Variants in GNAO1 observed in about 807,000 individuals in gnomAD.
The protein encoded by GNAO1 is guanine nucleotide-binding protein G(o) subunit alpha.
For synonymous variants in GNAO1, 164 were observed against 180.7 expected, an observed-to-expected ratio of 0.91 and a Z score of 0.74; for missense variants, 166 against 478.7, an observed-to-expected ratio of 0.35 and a Z score of 6.10.
At chr16:56,290,838 GCTCT>G (rs139719668) in intron 3 of GNAO1, among the ~76,000 whole-genome samples, 2,197 of 152,232 alleles carry the variant, frequency 0.014, 23 homozygotes, top group Non-Finnish European at 0.025. Context: ...CCACTAATCT[GCTCT>G]CTGTCTCTAT....
intron 2 of GNAO1, among the ~76,000 whole-genome samples, chr16:56,195,733 C>T (rs1464787186): frequency 6.6e-6 from 1 of 152,216 alleles, no homozygotes; most frequent in Non-Finnish European, 1.5e-5. Flanking sequence ...AGTCTAATAG[C>T]TCAGCACATT....
intron 2 of GNAO1, among the ~76,000 whole-genome samples, chr16:56,234,567 C>A (rs528404583): frequency 6.6e-6 from 1 of 152,284 alleles, no homozygotes; most frequent in South Asian, 2.1e-4. Context: ...TCTGCATGAA[C>A]CCATGAACTG....
At chr16:56,226,754 C>T (rs190005162) in intron 2 of GNAO1, among the ~76,000 whole-genome samples, 1 of 152,298 alleles carries the variant, frequency 6.6e-6, no homozygotes, top group East Asian at 1.9e-4. Flanking sequence ...GTGGTTTCTT[C>T]TCCATTCACA....
intron 2 of GNAO1, among the ~76,000 whole-genome samples, chr16:56,215,917 C>G (rs200942238): frequency 2.0e-5 from 3 of 152,330 alleles, no homozygotes; most frequent in East Asian, 3.9e-4. Flanking sequence ...TACCCCCACT[C>G]TCTTCCTGAT....
chr16:56,203,185 C>T (rs1286632584), intron 2 of GNAO1, among the ~76,000 whole-genome samples: 1 of 152,124 alleles, frequency 6.6e-6, no homozygotes, highest in East Asian at 1.9e-4. Flanking sequence ...TGTTGTTTTA[C>T]TCCACCGAGC....
intron 5 of GNAO1, among the ~76,000 whole-genome samples, chr16:56,335,417 C>G (rs571810296): frequency 6.6e-6 from 1 of 152,162 alleles, no homozygotes; most frequent in Non-Finnish European, 1.5e-5. Context: ...TGAGCTGGTT[C>G]CCAGGGTCCT....
chr16:56,343,728 C>G lies in GNAO1; in HGVS notation c.723+6868C>G, dbSNP rs753589084. 5 of 1,574,292 alleles carry G rather than the reference C, an allele frequency of 3.2e-6. No individual in the cohort carries two copies. In the East Asian group the frequency reaches 1.2e-4, roughly 36 times the overall value. ...CCATGCCAAGCAGTCCCATGGGCCT[C>G]TCGCCTCACCACACCTTGCCTGTTT... On this transcript the variant is annotated intron_variant, in intron 6 of 8. Coordinates refer to ENST00000262493, the MANE Select transcript of GNAO1 (RefSeq NM_020988.3).
At chr16:56,271,358 G>T (rs1182798998) in intron 2 of GNAO1, among the ~76,000 whole-genome samples, 1 of 152,236 alleles carries the variant, frequency 6.6e-6, no homozygotes, top group Non-Finnish European at 1.5e-5. Context: ...AGCACAGAGG[G>T]TAAACCCTCA....
chr16:56,289,265 A>G (rs1025172013), intron 3 of GNAO1, among the ~76,000 whole-genome samples: 2 of 152,174 alleles, frequency 1.3e-5, no homozygotes, highest in Non-Finnish European at 2.9e-5. Flanking sequence ...TCAGCCTGTC[A>G]CTGAGAATGA....
chr16:56,263,916 T>G (rs549827227), intron 2 of GNAO1, among the ~76,000 whole-genome samples: 13 of 152,314 alleles, frequency 8.5e-5, no homozygotes, highest in African/African-American at 2.6e-4. Context: ...GCAGCAGAGC[T>G]AAGACTTAGA....
intron 2 of GNAO1, among the ~76,000 whole-genome samples, chr16:56,256,123 T>C (rs2036843977): frequency 1.3e-5 from 2 of 152,190 alleles, no homozygotes; most frequent in Non-Finnish European, 2.9e-5. Flanking sequence ...GTACCTCTGG[T>C]TATGGAGCCC....
chr16:56,220,990 C>T (rs1409979952), intron 2 of GNAO1, among the ~76,000 whole-genome samples: 3 of 152,126 alleles, frequency 2.0e-5, no homozygotes, highest in African/African-American at 7.2e-5. Flanking sequence ...TCGTGATCCA[C>T]CTGCCTTGGC....
chr16:56,350,597 T>C (rs1241809215), intron 6 of GNAO1, among the ~76,000 whole-genome samples: 2 of 152,176 alleles, frequency 1.3e-5, no homozygotes, highest in Non-Finnish European at 2.9e-5. Context: ...CACATCTGCC[T>C]TGCTTAGAAC....
At chr16:56,298,114 G>A (rs1480030167) in intron 3 of GNAO1, among the ~76,000 whole-genome samples, 1 of 152,208 alleles carries the variant, frequency 6.6e-6, no homozygotes, top group Admixed American at 6.5e-5. Flanking sequence ...CGAGGCTACG[G>A]TAAGCCATGT....
chr16:56,273,771 A>G (rs1363204158), intron 2 of GNAO1, among the ~76,000 whole-genome samples: 1 of 152,158 alleles, frequency 6.6e-6, no homozygotes, highest in Admixed American at 6.5e-5. Context: ...CCCCGTTGCT[A>G]TGGCATGAGC....
intron 3 of GNAO1, among the ~76,000 whole-genome samples, chr16:56,282,231 T>G (rs1476534981): frequency 6.6e-6 from 1 of 152,212 alleles, no homozygotes; most frequent in African/African-American, 2.4e-5. Flanking sequence ...CTCAGCATTT[T>G]GGACTGTAAA....
intron 3 of GNAO1, chr16:56,300,748 G>A (rs1279900613): frequency 3.9e-5 from 6 of 152,042 alleles, no homozygotes; most frequent in South Asian, 2.1e-4. Flanking sequence ...TACACAAATC[G>A]ATCTGAAAAT....
chr16:56,345,182 G>A, intron 6 of GNAO1: 1 of 985,954 alleles, frequency 1.0e-6, no homozygotes, highest in Non-Finnish European at 1.2e-6. Context: ...GGCTGGCCTT[G>A]GGCAACCAAC....
chr16:56,284,532 G>T (rs1046491540), intron 3 of GNAO1, among the ~76,000 whole-genome samples: 2 of 152,212 alleles, frequency 1.3e-5, no homozygotes, highest in Non-Finnish European at 2.9e-5. Context: ...AAGGACTAAA[G>T]TGTCAGATTT....
Sources: gnomAD v4.1 joint callset for allele counts (sites outside exome capture counted in the v4.1 genomes callset) on GRCh38, gnomAD v4.1.1 for gene constraint, MANE v1.5 for transcripts, NCBI Gene and HGNC (gene_info 2026-07-23, HGNC 2026-07-21) for gene names.